PRKG1: variants seen among roughly 807,000 people sequenced by gnomAD.
PRKG1 encodes protein kinase cGMP-dependent 1.
In PRKG1, 35 loss-of-function variants were observed where a neutral mutation model predicts 88.1. The ratio of observed to expected loss-of-function variants is 0.40; its 90% confidence interval spans 0.30 to 0.53. The LOEUF (loss-of-function observed/expected upper bound fraction) is 0.53. Among genes scored for constraint, PRKG1 ranks in the 20% least tolerant of loss-of-function variants. The probability of loss-of-function intolerance (pLI) is 0.59; values close to 1 mark genes in which losing one functional copy is unlikely to be tolerated. For missense variants in PRKG1, 540 were observed against 839.8 expected (o/e 0.64, Z 4.41); for synonymous variants, 303 against 292.5 (o/e 1.04, Z -0.37).
chr10:51,317,838 A>T (rs1588832044), intron 2 of PRKG1, among the ~76,000 whole-genome samples: 1 of 152,066 alleles, frequency 6.6e-6, no homozygotes, highest in African/African-American at 2.4e-5. Context: ...GGTCTCCAAA[A>T]CCTGTCCCAT....
intron 4 of PRKG1, among the ~76,000 whole-genome samples, chr10:51,811,941 A>T (rs1039980188): frequency 6.6e-6 from 1 of 152,194 alleles, no homozygotes; most frequent in Non-Finnish European, 1.5e-5. Context: ...CTAGGACATA[A>T]GATGAAAGTA....
At chr10:51,772,478 G>A (rs1391497814) in intron 3 of PRKG1, among the ~76,000 whole-genome samples, 2 of 151,956 alleles carry the variant, frequency 1.3e-5, no homozygotes, top group African/African-American at 4.8e-5. Flanking sequence ...ATTAAAGCAG[G>A]TGACTGACAT....
intron 1 of PRKG1, among the ~76,000 whole-genome samples, chr10:51,128,351 C>G (rs1160017849): frequency 6.6e-6 from 1 of 152,104 alleles, no homozygotes; most frequent in Non-Finnish European, 1.5e-5. Flanking sequence ...AATTCAAAAG[C>G]TATTCTAATG....
intron 1 of PRKG1, among the ~76,000 whole-genome samples, chr10:50,999,166 G>T (rs1425419332): frequency 1.3e-5 from 2 of 152,138 alleles, no homozygotes; most frequent in Non-Finnish European, 2.9e-5. Flanking sequence ...TGTGCTAGCC[G>T]CATCTTCAAC....
chr10:51,165,874 T>C (rs1286259535), intron 2 of PRKG1, among the ~76,000 whole-genome samples: 2 of 152,210 alleles, frequency 1.3e-5, no homozygotes, highest in Non-Finnish European at 2.9e-5. Context: ...AGATCTTTTA[T>C]TCCCCATTGG....
chr10:52,094,973 G>C (rs1847140419), intron 7 of PRKG1, among the ~76,000 whole-genome samples: 1 of 152,084 alleles, frequency 6.6e-6, no homozygotes, highest in African/African-American at 2.4e-5. Flanking sequence ...AACTCCTTGG[G>C]ACCATTTCAT....
At chr10:51,126,326 T>A (rs1252177217) in intron 1 of PRKG1, among the ~76,000 whole-genome samples, 1 of 128,460 alleles carries the variant, frequency 7.8e-6, no homozygotes, top group Non-Finnish European at 1.6e-5. Context: ...TTTATGTTTT[T>A]ATATTTTATA....
intron 2 of PRKG1, among the ~76,000 whole-genome samples, chr10:51,441,924 T>G (rs1256395292): frequency 3.3e-5 from 5 of 151,942 alleles, no homozygotes; most frequent in Non-Finnish European, 5.9e-5. Context: ...GCTATTTCTT[T>G]CACATTTCGG....
chr10:52,058,691 G>A (rs1432567186), intron 6 of PRKG1, among the ~76,000 whole-genome samples: 1 of 151,918 alleles, frequency 6.6e-6, no homozygotes, highest in Non-Finnish European at 1.5e-5. Flanking sequence ...AGATTTAAAA[G>A]TAAAACATAA....
intron 4 of PRKG1, among the ~76,000 whole-genome samples, chr10:51,887,367 C>T (rs1841597887): frequency 6.6e-6 from 1 of 152,158 alleles, no homozygotes; most frequent in Admixed American, 6.5e-5. Context: ...AATAAGGCTG[C>T]AGTGAACAGG....
Position 52,276,946 on chromosome 10 carries a change from CA to C in PRKG1, c.1404-3840del, listed in dbSNP as rs1308497771. Among the ~76,000 whole-genome samples the C allele has an allele frequency of 1.1e-4, 16 of 152,194 alleles. No individual in the cohort carries two copies. The East Asian group carries it at 2.9e-3, about 28-fold the overall frequency. ...GTGTGCATGCATTGTATAGATTTAT[CA>C]AAGTTTGAGACAAGGTTTTCATTTA... On this transcript the variant is annotated intron_variant, in intron 12 of 17. Transcript: ENST00000373980.
intron 2 of PRKG1, among the ~76,000 whole-genome samples, chr10:51,423,904 A>T (rs1462942958): frequency 6.6e-6 from 1 of 152,134 alleles, no homozygotes; most frequent in Non-Finnish European, 1.5e-5. Flanking sequence ...TTGAACTATG[A>T]TCATCATATT....
chr10:52,224,931 G>A lies in PRKG1; in HGVS notation c.1077-26639G>A, dbSNP rs184917800. 1.3e-3 allele frequency among the ~76,000 whole-genome samples: 194 copies of A among 151,140 alleles called. 4 individuals carry two copies. Among genetic ancestry groups the A allele is most frequent in the Non-Finnish European group, 1.0e-4 (7 of 67,810 alleles). On this transcript the variant is annotated intron_variant, in intron 9 of 17. Coordinates refer to ENST00000373980, the MANE Select transcript of PRKG1 (RefSeq NM_006258.4). ...CCATTATTTTGCAATTATGAATTGT[G>A]CTGCTATAAACATGTGTGTGTAAGT...
chr10:51,139,336 T>C (rs1315954422), intron 1 of PRKG1, among the ~76,000 whole-genome samples: 1 of 152,138 alleles, frequency 6.6e-6, no homozygotes, highest in Non-Finnish European at 1.5e-5. Context: ...ACAGATAGAA[T>C]AGCCAATGAT....
At chr10:51,178,692 C>A (rs1446175899) in intron 2 of PRKG1, among the ~76,000 whole-genome samples, 1 of 151,968 alleles carries the variant, frequency 6.6e-6, no homozygotes, top group African/African-American at 2.4e-5. Context: ...TCCTATTTTT[C>A]AACATGTTTA....
At chr10:52,270,386 T>C (rs917769478) in intron 10 of PRKG1, among the ~76,000 whole-genome samples, 7 of 152,046 alleles carry the variant, frequency 4.6e-5, no homozygotes, top group East Asian at 1.9e-4. Context: ...ACCTAAAGGA[T>C]TATAAATCAT....
At chr10:51,721,212 T>TAAAAA (rs55873432) in intron 3 of PRKG1, among the ~76,000 whole-genome samples, 2 of 122,040 alleles carry the variant, frequency 1.6e-5, no homozygotes, top group African/African-American at 6.3e-5. Flanking sequence ...CAAGACCTAT[T>TAAAAA]AAAAAAAAAA....
At chr10:51,246,613 G>GA (rs11314803) in intron 2 of PRKG1, among the ~76,000 whole-genome samples, 138 of 143,668 alleles carry the variant, frequency 9.6e-4, no homozygotes, top group Non-Finnish European at 1.6e-3. Context: ...AGAAAAAAAA[G>GA]AAAAAAAAAA....
At chr10:51,466,524 G>A (rs1352641591) in intron 2 of PRKG1, among the ~76,000 whole-genome samples, 3 of 151,890 alleles carry the variant, frequency 2.0e-5, no homozygotes, top group Non-Finnish European at 4.4e-5. Flanking sequence ...AATGTCCTCT[G>A]AAGGGTGAAT....
Sources: allele counts gnomAD v4.1 joint callset (sites outside exome capture counted in the v4.1 genomes callset), GRCh38; gene constraint gnomAD v4.1.1; transcripts MANE v1.5; gene names NCBI Gene and HGNC (gene_info 2026-07-23, HGNC 2026-07-21).